RPL24: variants seen among roughly 807,000 people sequenced by gnomAD.
RPL24 encodes ribosomal protein L24.
A neutral mutation model predicts 26.4 loss-of-function variants in RPL24; 7 were observed. That is an observed-to-expected ratio of 0.27 (90% confidence interval 0.15 to 0.50). The LOEUF is 0.50. Ranked by LOEUF, RPL24 falls within the 20% of genes least tolerant of loss-of-function variation. The probability of loss-of-function intolerance (pLI) is 0.98; values close to 1 mark genes in which losing one functional copy is unlikely to be tolerated. For synonymous variants in RPL24, 67 were observed against 65.2 expected (o/e 1.03, Z -0.13); for missense variants, 109 against 194.9 (o/e 0.56, Z 2.62).
At position 101,681,153 on chromosome 3, in the gene RPL24, T is replaced by G; in HGVS notation, c.456A>C (p.Arg152=). The G allele has an allele frequency of 6.2e-7, 1 of 1,612,810 alleles. No homozygotes were observed. The highest frequency in any genetic ancestry group is 1.1e-5 in the South Asian group (1 of 91,054). Residue 152 remains arginine, a synonymous_variant, in exon 6 of 6, where the codon CGA becomes CGC. Transcript: ENST00000394077. The part of the protein sequence containing the change: ...IVKPVKVSAP[R]VGGKR The stretch of plus-strand genomic sequence containing the variant: ...TGCCAGTTTAGCGTTTTCCACCAAC[T>G]CGGGGAGCTGAAACTTTCACAGGCT...
chr3:101,682,383 T>C (rs939972857), intron 5 of RPL24, 46 bp downstream of exon 5: 14 of 1,518,170 alleles, frequency 9.2e-6, no homozygotes, highest in Non-Finnish European at 1.3e-5. Flanking sequence ...AAAAAGAAAA[T>C]TTTCCTGTTG....
chr3:101,684,689 G>A lies in RPL24; in HGVS notation c.192+1129C>T, dbSNP rs1223849411. Among the ~76,000 whole-genome samples the A allele has an allele frequency of 3.4e-5, 5 of 147,658 alleles. No individual in the cohort carries two copies. In the East Asian group the frequency reaches 1.0e-3, roughly 30 times the overall value. On this transcript the variant is annotated intron_variant, in intron 3 of 5. Coordinates refer to ENST00000394077, the MANE Select transcript of RPL24 (RefSeq NM_000986.4). ...GACCACGGGGTAGGCGGAGGTGGGA[G>A]GATCACTTGAGCCCATAAGGTTGAG...
Position 101,686,488 on chromosome 3 carries a change from G to A in RPL24, c.75C>T (p.Asp25=), listed in dbSNP as rs1260195535. 1.5e-5 allele frequency: 24 copies of A among 1,613,694 alleles called. No individual in the cohort carries two copies. Among genetic ancestry groups the A allele is most frequent in the Non-Finnish European group, 1.8e-5 (21 of 1,179,894 alleles). Residue 25 remains aspartate, a synonymous_variant, in exon 2 of 6, where the codon GAC becomes GAT. Coordinates refer to ENST00000394077, the MANE Select transcript of RPL24 (RefSeq NM_000986.4). ...PGHGRRYART[D]GKVFQFLNAK... ...AGCCGACGCGGCTTTTTACCTTCCC[G>A]TCGGTCCTGGCGTAGCGCCTCCCGT... is the stretch of plus-strand genomic sequence containing the variant.
Position 101,683,224 on chromosome 3 carries a change from TA to T in RPL24, c.193-318del, listed in dbSNP as rs140224050. 9.1e-3 allele frequency among the ~76,000 whole-genome samples: 1,389 copies of T among 152,212 alleles called. 22 individuals are homozygous for T. Among genetic ancestry groups the T allele is most frequent in the African/African-American group, 0.032 (1,337 of 41,520 alleles). ...TAATAATTTACTTATTGAAAAAAAT[TA>T]TCATATTCAGCTTTTTTAACTCAAA... is the stretch of plus-strand genomic sequence containing the variant. On this transcript the variant is annotated intron_variant, in intron 3 of 5. Transcript: ENST00000394077.
At chr3:101,681,630 G>GCA (rs1351066502) in intron 5 of RPL24, 2 of 160,784 alleles carry the variant, frequency 1.2e-5, no homozygotes, top group East Asian at 3.7e-4. Context: ...TGGATCGCTT[G>GCA]AGCTCAGGAG....
rs1450474317 is a variant in RPL24 at position 101,682,448 on chromosome 3, G to A, written c.374C>T (p.Thr125Ile). The A allele has an allele frequency of 6.2e-7, 1 of 1,613,832 alleles. No homozygotes were observed. The highest frequency in any genetic ancestry group is 2.2e-5 in the East Asian group (1 of 44,890). ...AKKAKQASKK[T>I]AMAAAKAPTK... is the part of the protein sequence containing the mutation. ...AATTACCTTAGCAGCAGCCATTGCAGTCTTTTTAGATGCTTGCTTAGCCTT... is the reference window on the plus strand; with the variant it reads ...AATTACCTTAGCAGCAGCCATTGCAATCTTTTTAGATGCTTGCTTAGCCTT... Residue 125 changes from threonine to isoleucine, a missense_variant, in exon 5 of 6, where the codon ACT becomes ATT. This residue lies in a region of RPL24 where 39 missense variants were observed against 80.3 expected (regional missense o/e 0.49). Transcript: ENST00000394077.
rs770661357 is a variant in RPL24, at chr3:101,682,335, C to T, written c.393+94G>A. 24 of 976,650 alleles carry T rather than the reference C, an allele frequency of 2.5e-5. No individual in the cohort carries two copies. The South Asian group carries it at 3.0e-4, about 12-fold the overall frequency. The allele number at this position is 976,650 out of a possible 1,614,324, so 60.5% of individuals were successfully genotyped here. On this transcript the variant is annotated intron_variant, in intron 5 of 5. Transcript: ENST00000394077. ...GAGCTGAGATCAGATCACGCCACTG[C>T]ACCCCATCCTGGGCAACAGAGCAAG...
rs1937279908 is a variant in RPL24, at chr3:101,682,779, T to A, written c.321A>T (p.Gln107His). The change falls in exon 4 of 6, where the codon CAA (glutamine) becomes CAT (histidine). Residue 107 changes from glutamine (Q) to histidine (H), a missense_variant. This residue lies in a region of RPL24 where 39 missense variants were observed against 80.3 expected (regional missense o/e 0.49). Transcript: ENST00000394077. ...ATGAAAGCATTCCTCACCTGATAGC[T>A]TGTTCTCGTTGAGCCTTTCTAACTT... Reference protein sequence around the residue: ...KPEVRKAQREQAIRAAKEAKK... With the variant: ...KPEVRKAQREHAIRAAKEAKK... 6.2e-7 allele frequency: 1 copy of A among 1,612,862 alleles called. No homozygotes were observed. The highest frequency in any genetic ancestry group is 8.5e-7 in the Non-Finnish European group (1 of 1,179,802).
At chr3:101,684,776 CAAAAAAAAAAAAAAAAAAAAAAAAAA>C (rs57278210) in intron 3 of RPL24, among the ~76,000 whole-genome samples, 1 of 53,216 alleles carries the variant, frequency 1.9e-5, no homozygotes, top group Non-Finnish European at 3.2e-5. Flanking sequence ...CCTGTCTCCC[CAAAAAAAAAAAAAAAAAAAAAAAAAA>C]AAAAAAAAAA....
chr3:101,686,385 AGTG>A (rs1937342108), intron 2 of RPL24, 94 bp downstream of exon 2: 1 of 969,600 alleles, frequency 1.0e-6, no homozygotes, highest in Non-Finnish European at 1.5e-6. Context: ...TCCAGAGGCC[AGTG>A]GTGATGTGGG....
At chr3:101,685,734 A>G in intron 3 of RPL24, 84 bp downstream of exon 3, 1 of 702,986 alleles carries the variant, frequency 1.4e-6, no homozygotes. Context: ...AGTCTGATTT[A>G]ATTTTACAGA....
intron 3 of RPL24, among the ~76,000 whole-genome samples, chr3:101,684,799 A>C (rs1937312339): frequency 6.7e-6 from 1 of 148,916 alleles, no homozygotes; most frequent in South Asian, 2.1e-4. Context: ...AAAAAAAAAA[A>C]AAAAAAAAAA....
chr3:101,686,279 C>A (rs1178593136), intron 2 of RPL24: 3 of 596,610 alleles, frequency 5.0e-6, no homozygotes, highest in Non-Finnish European at 8.9e-6. Flanking sequence ...ATAAACCCCT[C>A]CTGATGTCCG....
intron 1 of RPL24, 34 bp downstream of exon 1, chr3:101,686,638 T>C: frequency 4.3e-6 from 7 of 1,614,204 alleles, no homozygotes; most frequent in Non-Finnish European, 5.9e-6. Context: ...TGCCCGAGGA[T>C]GTAAGCGGAT....
chr3:101,684,781 A>G (rs1337433386), intron 3 of RPL24, among the ~76,000 whole-genome samples: 5 of 21,398 alleles, frequency 2.3e-4, no homozygotes, highest in Admixed American at 1.6e-3. Flanking sequence ...CTCCCCAAAA[A>G]AAAAAAAAAA....
intron 5 of RPL24, 62 bp from the exon 6 acceptor site, chr3:101,681,277 C>G: frequency 9.2e-7 from 1 of 1,092,474 alleles, no homozygotes; most frequent in Non-Finnish European, 1.4e-6. Flanking sequence ...TTACCCATCT[C>G]TCACATCCAG....
chr3:101,686,472 G>T lies in RPL24; in HGVS notation c.81+10C>A. The T allele has an allele frequency of 6.2e-7, 1 of 1,612,818 alleles. No homozygotes were observed. Among genetic ancestry groups the T allele is most frequent in the Non-Finnish European group, 8.5e-7 (1 of 1,179,298 alleles). On this transcript the variant is annotated intron_variant, in intron 2 of 5. Transcript: ENST00000394077. ...ACAAGAAGGTAGGTGAAGCCGACGC[G>T]GCTTTTTACCTTCCCGTCGGTCCTG...
At chr3:101,683,540 T>A (rs1033589668) in intron 3 of RPL24, among the ~76,000 whole-genome samples, 2 of 152,210 alleles carry the variant, frequency 1.3e-5, no homozygotes, top group Admixed American at 1.3e-4. Context: ...TTTTAAACTT[T>A]TTAGAAAGAT....
intron 5 of RPL24, chr3:101,681,851 AAAAC>A (rs71625594): frequency 0.3 from 45,876 of 153,172 alleles, 7,177 homozygotes; most frequent in Non-Finnish European, 0.34. Context: ...AAGGGGGAAA[AAAAC>A]AAACAAACAA....
Sources: gnomAD v4.1 joint callset for allele counts (sites outside exome capture counted in the v4.1 genomes callset) on GRCh38, gnomAD v4.1.1 for gene constraint, gnomAD v4.1.1 regional missense constraint, MANE v1.5 for transcripts, NCBI Gene and HGNC (gene_info 2026-07-23, HGNC 2026-07-21) for gene names.